The following SH3D19 variants were observed in gnomAD, a reference collection of about 807,000 sequenced individuals.
SH3D19 encodes the protein SH3 domain-containing protein 19.
A neutral mutation model predicts 112.1 loss-of-function variants in SH3D19; 58 were observed. The ratio of observed to expected loss-of-function variants is 0.52; its 90% confidence interval spans 0.42 to 0.64. The LOEUF (loss-of-function observed/expected upper bound fraction) is 0.64, where lower values mean the gene tolerates loss of function less well. SH3D19 is among the 30% of genes least tolerant of loss of function. The probability of loss-of-function intolerance (pLI) is 0.00; values close to 1 mark genes in which losing one functional copy is unlikely to be tolerated. For missense variants in SH3D19, 1,090 were observed against 1,263.4 expected (o/e 0.86, Z 2.08); for synonymous variants, 391 against 448.5 (o/e 0.87, Z 1.62).
chr4:151,202,290 G>A (rs940757036), intron 2 of SH3D19, among the ~76,000 whole-genome samples: 2 of 152,258 alleles, frequency 1.3e-5, no homozygotes, highest in East Asian at 1.9e-4. Context: ...AGCCGAGATC[G>A]CGCCACTGAA....
At chr4:151,199,965 T>A (rs1168676531) in intron 2 of SH3D19, among the ~76,000 whole-genome samples, 1 of 152,094 alleles carries the variant, frequency 6.6e-6, no homozygotes, top group Non-Finnish European at 1.5e-5. Flanking sequence ...GTCATAAGGG[T>A]AGAGCCCTCA....
chr4:151,285,511 G>A (rs1774658062), intron 1 of SH3D19, among the ~76,000 whole-genome samples: 4 of 152,274 alleles, frequency 2.6e-5, no homozygotes, highest in Middle Eastern at 6.8e-3. Flanking sequence ...AATATTTTGA[G>A]ATGAATAAAA....
chr4:151,295,055 G>A (rs1224233398), intron 1 of SH3D19, among the ~76,000 whole-genome samples: 1 of 152,244 alleles, frequency 6.6e-6, no homozygotes, highest in Admixed American at 6.5e-5. Flanking sequence ...GACACTGTGA[G>A]CAAAGGTGGA....
At chr4:151,296,536 C>T (rs1210827383) in intron 1 of SH3D19, among the ~76,000 whole-genome samples, 1 of 152,116 alleles carries the variant, frequency 6.6e-6, no homozygotes, top group East Asian at 1.9e-4. Flanking sequence ...ATTCACAAAA[C>T]AAACTTATTA....
At chr4:151,285,770 G>C (rs1262365241) in intron 1 of SH3D19, among the ~76,000 whole-genome samples, 1 of 151,948 alleles carries the variant, frequency 6.6e-6, no homozygotes, top group Non-Finnish European at 1.5e-5. Flanking sequence ...AGGAGACTGG[G>C]GCAGGAGGAT....
At chr4:151,137,681 A>AT in intron 14 of SH3D19, 51 bp downstream of exon 14, 1 of 1,460,648 alleles carries the variant, frequency 6.8e-7, no homozygotes, top group South Asian at 1.5e-5. Context: ...TACAAGTCAC[A>AT]TAGAACCCAC....
intron 1 of SH3D19, among the ~76,000 whole-genome samples, chr4:151,272,763 C>CT (rs548803369): frequency 0.021 from 2,941 of 142,680 alleles, 45 homozygotes; most frequent in African/African-American, 0.041. Flanking sequence ...TTTCACTTTT[C>CT]TTTTTTTTTT....
At chr4:151,281,566 T>C (rs563236811) in intron 1 of SH3D19, among the ~76,000 whole-genome samples, 1 of 152,030 alleles carries the variant, frequency 6.6e-6, no homozygotes, top group Non-Finnish European at 1.5e-5. Context: ...AACAGCTATA[T>C]ATAGGATTTC....
chr4:151,323,179 G>A lies in SH3D19; in HGVS notation c.112+2062C>T, dbSNP rs190312243. ...CTCCAAAATTTATCAGGGAGAGAAGGAAGAGTTCACAGACTACCTTAAGTC... is the reference window on the plus strand; with the variant it reads ...CTCCAAAATTTATCAGGGAGAGAAGAAAGAGTTCACAGACTACCTTAAGTC... On this transcript the variant is annotated intron_variant, in intron 1 of 19. Transcript: ENST00000604030. 7.3e-4 allele frequency among the ~76,000 whole-genome samples: 111 copies of A among 152,270 alleles called. 1 individual carries two copies. The highest frequency in any genetic ancestry group is 2.4e-3 in the African/African-American group (101 of 41,544).
chr4:151,137,769 T>C lies in SH3D19; in HGVS notation c.2390A>G (p.Gln797Arg). The C allele has an allele frequency of 6.2e-7, 1 of 1,604,116 alleles. No individual in the cohort carries two copies. The highest frequency in any genetic ancestry group is 8.5e-7 in the Non-Finnish European group (1 of 1,176,548). The change falls in exon 14 of 20, where the codon CAG (glutamine) becomes CGG (arginine). Residue 797 changes from glutamine (Q) to arginine (R), a missense_variant. Transcript: ENST00000604030. ...TDWYRGNCRN[Q>R]IGIFPANYVK... ...ATAGTTGGCAGGAAATATGCCAATC[T>C]GGTTTCTACAGTTCCCTCTGTACCA...
At chr4:151,167,515 G>A (rs1371215566) in intron 7 of SH3D19, among the ~76,000 whole-genome samples, 4 of 151,840 alleles carry the variant, frequency 2.6e-5, no homozygotes, top group Admixed American at 6.6e-5. Context: ...AACAAACCCA[G>A]GATCATTTTA....
chr4:151,137,871 TA>T lies in SH3D19; in HGVS notation c.2297-10del, dbSNP rs777948612. On this transcript the variant is annotated splice_polypyrimidine_tract_variant and intron_variant, in intron 13 of 19. Coordinates refer to ENST00000604030, the MANE Select transcript of SH3D19 (RefSeq NM_001378122.1). ...CAAATCATCAACTTGCTCTGTAATA[TA>T]AAATTATAGTTATGTATGATGAATC... 1.3e-6 allele frequency: 2 copies of T among 1,586,776 alleles called. No individual in the cohort carries two copies. The highest frequency in any genetic ancestry group is 2.7e-5 in the African/African-American group (2 of 73,172).
At chr4:151,219,467 A>C (rs528811091) in intron 2 of SH3D19, among the ~76,000 whole-genome samples, 26 of 152,250 alleles carry the variant, frequency 1.7e-4, no homozygotes, top group South Asian at 6.2e-4. Context: ...TCCTGAATAA[A>C]GTCTTCCTTA....
chr4:151,251,431 C>G (rs115931015), intron 1 of SH3D19, among the ~76,000 whole-genome samples: 306 of 152,196 alleles, frequency 2.0e-3, no homozygotes, highest in African/African-American at 7.1e-3. Context: ...AACTCCTGAT[C>G]ACAAGCAATC....
chr4:151,323,315 A>C (rs1730732866), intron 1 of SH3D19, among the ~76,000 whole-genome samples: 1 of 152,178 alleles, frequency 6.6e-6, no homozygotes, highest in African/African-American at 2.4e-5. Context: ...GGAAAAGTGA[A>C]AAACTGAAAA....
Position 151,174,866 on chromosome 4 carries a change from AAC to A in SH3D19, c.1336_1337del (p.Val446SerfsTer43). 6.2e-7 allele frequency: 1 copy of A among 1,606,552 alleles called. No individual in the cohort carries two copies. The highest frequency in any genetic ancestry group is 8.5e-7 in the Non-Finnish European group (1 of 1,176,150). ...GTGATGCCCCTGCGAGTCGGGGAGG[AAC>A]AGTGACAGGTTTCAGTGGAGCTGAA... ...YPSAPLKPVT[V>X]PPRLAGASQA... is the part of the protein sequence containing the mutation. On this transcript the variant is annotated frameshift_variant, in exon 7 of 20. Coordinates refer to ENST00000604030, the MANE Select transcript of SH3D19 (RefSeq NM_001378122.1). LOFTEE classifies it high-confidence loss of function.
At chr4:151,172,125 C>T (rs555577261) in intron 7 of SH3D19, among the ~76,000 whole-genome samples, 2 of 152,250 alleles carry the variant, frequency 1.3e-5, no homozygotes, top group East Asian at 3.9e-4. Flanking sequence ...TCTCTTCTTT[C>T]TCCTGTGTTC....
intron 2 of SH3D19, among the ~76,000 whole-genome samples, chr4:151,198,606 G>C (rs1356341085): frequency 6.6e-6 from 1 of 151,048 alleles, no homozygotes; most frequent in Non-Finnish European, 1.5e-5. Context: ...TACATTTCTA[G>C]CTTTTCACCA....
At chr4:151,305,835 C>T (rs1423571880) in intron 1 of SH3D19, among the ~76,000 whole-genome samples, 2 of 152,202 alleles carry the variant, frequency 1.3e-5, no homozygotes, top group Non-Finnish European at 2.9e-5. Flanking sequence ...ATGTTTACAG[C>T]AGCTTATTCA....
Sources: gnomAD v4.1 joint callset for allele counts (sites outside exome capture counted in the v4.1 genomes callset) on GRCh38, gnomAD v4.1.1 for gene constraint, MANE v1.5 for transcripts, NCBI Gene and HGNC (gene_info 2026-07-23, HGNC 2026-07-21) for gene names.